Variants in VAV3 observed in about 807,000 individuals in gnomAD.
The protein encoded by VAV3 is vav guanine nucleotide exchange factor 3, also known as guanine nucleotide exchange factor VAV3.
A neutral mutation model predicts 131.2 loss-of-function variants in VAV3; 94 were observed. That is an observed-to-expected ratio of 0.72 (90% CI 0.61 to 0.85). VAV3 has a LOEUF of 0.85. Among genes scored for constraint, VAV3 ranks in the 40% least tolerant of loss-of-function variants. The probability of loss-of-function intolerance (pLI) is 0.00; values close to 1 mark genes in which losing one functional copy is unlikely to be tolerated. For missense variants in VAV3, 939 were observed against 1,002.7 expected (o/e 0.94, Z 0.86); for synonymous variants, 349 against 342.0 (o/e 1.02, Z -0.22).
At chr1:107,701,390 G>T (rs1274465917) in intron 17 of VAV3, among the ~76,000 whole-genome samples, 1 of 152,108 alleles carries the variant, frequency 6.6e-6, no homozygotes, top group Non-Finnish European at 1.5e-5. Context: ...GAGCAGCTGG[G>T]AACACAGGGC....
intron 4 of VAV3, among the ~76,000 whole-genome samples, chr1:107,775,046 C>T (rs1665270474): frequency 6.6e-6 from 1 of 151,852 alleles, no homozygotes; most frequent in African/African-American, 2.4e-5. Flanking sequence ...TTCTTTAATC[C>T]TGCAAATACA....
At chr1:107,844,467 C>G (rs910757294) in intron 2 of VAV3, among the ~76,000 whole-genome samples, 1 of 152,072 alleles carries the variant, frequency 6.6e-6, no homozygotes, top group African/African-American at 2.4e-5. Flanking sequence ...ACCAGCGAGA[C>G]GGAAACATTC....
chr1:107,887,905 T>C (rs1466163090), intron 1 of VAV3, among the ~76,000 whole-genome samples: 2 of 152,104 alleles, frequency 1.3e-5, no homozygotes, highest in Non-Finnish European at 2.9e-5. Flanking sequence ...GACAATTAAG[T>C]AGGAAATATG....
intron 20 of VAV3, among the ~76,000 whole-genome samples, chr1:107,625,962 G>C (rs539611892): frequency 6.6e-6 from 1 of 152,008 alleles, no homozygotes; most frequent in East Asian, 1.9e-4. Flanking sequence ...GAAGAAAAAG[G>C]ACCACAACAG....
chr1:107,773,766 T>C (rs1665183048), intron 4 of VAV3, among the ~76,000 whole-genome samples: 2 of 152,116 alleles, frequency 1.3e-5, no homozygotes, highest in African/African-American at 4.8e-5. Flanking sequence ...TTAGGGCAGG[T>C]AAATCGGTTT....
chr1:107,848,343 T>G (rs1194963353), intron 2 of VAV3, among the ~76,000 whole-genome samples: 1 of 149,186 alleles, frequency 6.7e-6, no homozygotes, highest in African/African-American at 2.5e-5. Flanking sequence ...AGTGGCAAAC[T>G]GAATCCAGCA....
chr1:107,704,038 G>A (rs931182343), intron 17 of VAV3, among the ~76,000 whole-genome samples: 7 of 152,098 alleles, frequency 4.6e-5, no homozygotes, highest in Non-Finnish European at 7.4e-5. Context: ...AAACCCAAAA[G>A]ATATATGCTC....
chr1:107,629,261 C>T (rs188964424), intron 20 of VAV3, among the ~76,000 whole-genome samples: 1 of 152,310 alleles, frequency 6.6e-6, no homozygotes, highest in East Asian at 1.9e-4. Flanking sequence ...CCATAGATGA[C>T]ATGGCTTAAT....
chr1:107,964,693 C>A lies in VAV3; in HGVS notation c.177G>T (p.Glu59Asp). 1 of 1,613,932 alleles carries A rather than the reference C, an allele frequency of 6.2e-7. No individual in the cohort carries two copies. Among genetic ancestry groups the A allele is most frequent in the Non-Finnish European group, 8.5e-7 (1 of 1,179,908 alleles). ...NLRAHSINLK[E>D]INLRPQMSQF... ...GGGACATCTGCGGCCTCAGGTTGAT[C>A]TCCTTCAGGTTGATGGAGTGCGCCC... Residue 59 changes from glutamate to aspartate, a missense_variant, in exon 1 of 27, where the codon GAG becomes GAT. Glu to Asp is a conservative substitution (Grantham distance 45). Transcript: ENST00000370056.
intron 1 of VAV3, among the ~76,000 whole-genome samples, chr1:107,959,251 A>C (rs1304488479): frequency 6.6e-6 from 1 of 151,342 alleles, no homozygotes; most frequent in Non-Finnish European, 1.5e-5. Flanking sequence ...ACGGAGCAAG[A>C]CTCTGTCTAA....
chr1:107,886,439 T>C (rs1418291206), intron 1 of VAV3, among the ~76,000 whole-genome samples: 1 of 152,244 alleles, frequency 6.6e-6, no homozygotes, highest in Non-Finnish European at 1.5e-5. Context: ...AGGACTGGAC[T>C]GCAGGCACCT....
intron 15 of VAV3, among the ~76,000 whole-genome samples, chr1:107,726,313 C>A (rs1311969770): frequency 1.3e-5 from 2 of 152,156 alleles, no homozygotes; most frequent in African/African-American, 4.8e-5. Flanking sequence ...TTAAACTCTG[C>A]TTAGGTTTGA....
At chr1:107,738,823 A>G (rs1662837677) in intron 15 of VAV3, among the ~76,000 whole-genome samples, 1 of 152,220 alleles carries the variant, frequency 6.6e-6, no homozygotes, top group South Asian at 2.1e-4. Context: ...TACCAAGTTG[A>G]CTTAGTACAA....
intron 20 of VAV3, among the ~76,000 whole-genome samples, chr1:107,635,862 C>T (rs539092919): frequency 7.2e-5 from 11 of 152,254 alleles, no homozygotes; most frequent in South Asian, 2.1e-4. Flanking sequence ...TTCCTATGTC[C>T]GAATAACAGC....
chr1:107,881,691 C>T (rs1255581513), intron 1 of VAV3, among the ~76,000 whole-genome samples: 2 of 152,076 alleles, frequency 1.3e-5, no homozygotes, highest in African/African-American at 2.4e-5. Context: ...ACATAACTTC[C>T]GAAGAAGAAA....
At chr1:107,799,664 A>C (rs572450472) in intron 2 of VAV3, among the ~76,000 whole-genome samples, 1 of 152,270 alleles carries the variant, frequency 6.6e-6, no homozygotes, top group Non-Finnish European at 1.5e-5. Flanking sequence ...CATATACCTC[A>C]ACTTAAATAT....
intron 1 of VAV3, among the ~76,000 whole-genome samples, chr1:107,960,912 AATAT>A (rs2101405779): frequency 6.6e-6 from 1 of 151,548 alleles, no homozygotes; most frequent in East Asian, 1.9e-4. Flanking sequence ...ATTATAGATA[AATAT>A]ATAAATAATT....
chr1:107,866,427 G>T (rs558618653), intron 2 of VAV3, among the ~76,000 whole-genome samples: 1 of 152,162 alleles, frequency 6.6e-6, no homozygotes, highest in Admixed American at 6.5e-5. Context: ...AGCTTGAAAC[G>T]ATTCAAAACT....
chr1:107,746,052 T>C (rs1017856978), intron 15 of VAV3, among the ~76,000 whole-genome samples: 2 of 152,028 alleles, frequency 1.3e-5, no homozygotes, highest in African/African-American at 4.8e-5. Flanking sequence ...CAAAAAGGAG[T>C]ACTACAGATT....
Sources: allele counts gnomAD v4.1 joint callset (sites outside exome capture counted in the v4.1 genomes callset), GRCh38; gene constraint gnomAD v4.1.1; transcripts MANE v1.5; gene names NCBI Gene and HGNC (gene_info 2026-07-23, HGNC 2026-07-21).